The following TEK variants were observed in gnomAD, a reference collection of about 807,000 sequenced individuals.
The protein encoded by TEK is angiopoietin-1 receptor.
TEK carries 43 observed loss-of-function variants against 131.8 expected under a neutral mutation model. The observed-to-expected ratio is 0.33, with a 90% CI of 0.26 to 0.42. TEK has a LOEUF of 0.42. Among genes scored for constraint, TEK ranks in the 10% least tolerant of loss-of-function variants. The pLI is 1.00. For missense variants in TEK, 1,162 were observed against 1,384.4 expected, an observed-to-expected ratio of 0.84 and a Z score of 2.55; for synonymous variants, 580 against 491.6, an observed-to-expected ratio of 1.18 and a Z score of -2.38.
chr9:27,171,941 G>A (rs1236612603), intron 4 of TEK, among the ~76,000 whole-genome samples: 2 of 152,152 alleles, frequency 1.3e-5, no homozygotes, highest in Non-Finnish European at 2.9e-5. Context: ...TGTACTAGGT[G>A]TACTCAGAGG....
intron 22 of TEK, among the ~76,000 whole-genome samples, chr9:27,228,903 C>T (rs2131267245): frequency 6.6e-6 from 1 of 152,142 alleles, no homozygotes; most frequent in Non-Finnish European, 1.5e-5. Context: ...TAGGAGGTAC[C>T]AATAAGACAC....
intron 2 of TEK, among the ~76,000 whole-genome samples, chr9:27,160,315 C>G (rs1449653869): frequency 6.6e-6 from 1 of 152,160 alleles, no homozygotes; most frequent in Admixed American, 6.6e-5. Flanking sequence ...GTGAGCCCAC[C>G]AGGCCTGACT....
intron 13 of TEK, 150 bp downstream of exon 13, chr9:27,203,269 C>A: frequency 1.2e-6 from 1 of 824,756 alleles, no homozygotes; most frequent in Non-Finnish European, 2.0e-6. Flanking sequence ...TATCAAAATG[C>A]CTCTGAGAAG....
chr9:27,144,012 G>A (rs764567015), intron 1 of TEK, among the ~76,000 whole-genome samples: 12 of 152,190 alleles, frequency 7.9e-5, no homozygotes, highest in Non-Finnish European at 1.5e-4. Flanking sequence ...GGTTGGGCGC[G>A]GTGGCTTACG....
At chr9:27,228,448 C>T (rs1276835746) in intron 22 of TEK, 143 bp downstream of exon 22, 1 of 688,646 alleles carries the variant, frequency 1.5e-6, no homozygotes, top group African/African-American at 1.8e-5. Flanking sequence ...TCCCTCCACC[C>T]CCGCGACTTT....
intron 1 of TEK, among the ~76,000 whole-genome samples, chr9:27,156,539 C>T (rs750403302): frequency 2.0e-5 from 3 of 151,864 alleles, no homozygotes; most frequent in Non-Finnish European, 2.9e-5. Context: ...ACATTCCAGG[C>T]AGAAGGAACA....
chr9:27,120,991 G>T (rs890176388), intron 1 of TEK, among the ~76,000 whole-genome samples: 2 of 152,240 alleles, frequency 1.3e-5, no homozygotes, highest in Admixed American at 6.5e-5. Flanking sequence ...TCCAGTACCT[G>T]ACTTGATGTA....
In TEK at chr9:27,206,728, A is replaced by G; in HGVS notation, c.2511A>G (p.Gln837=). 6.2e-7 allele frequency: 1 copy of G among 1,614,112 alleles called. No homozygotes were observed. Among genetic ancestry groups the G allele is most frequent in the South Asian group, 1.1e-5 (1 of 91,076 alleles). The part of the protein sequence containing the change: ...QDVIGEGNFG[Q]VLKARIKKDG... ...TGATTGGGGAGGGCAATTTTGGCCAAGTTCTTAAGGCGCGCATCAAGAAGG... is the reference window on the plus strand; with the variant it reads ...TGATTGGGGAGGGCAATTTTGGCCAGGTTCTTAAGGCGCGCATCAAGAAGG... Residue 837 remains glutamine (Q), a synonymous_variant, in exon 15 of 23, where the codon CAA becomes CAG. Transcript: ENST00000380036.
intron 11 of TEK, among the ~76,000 whole-genome samples, chr9:27,197,020 G>A (rs190237248): frequency 1.1e-4 from 6 of 54,456 alleles, no homozygotes; most frequent in Admixed American, 2.5e-4. Flanking sequence ...CCCCTCCCCC[G>A]GCAATTGAAC....
intron 16 of TEK, chr9:27,210,762 C>T (rs1825582064): frequency 6.6e-6 from 1 of 152,178 alleles, no homozygotes; most frequent in Non-Finnish European, 1.5e-5. Context: ...AAAACCACAA[C>T]AACAAAAATA....
intron 21 of TEK, among the ~76,000 whole-genome samples, chr9:27,227,154 T>C (rs1826368816): frequency 1.3e-5 from 2 of 152,180 alleles, no homozygotes. Context: ...TTGATAGCCT[T>C]CCATGCACAT....
At chr9:27,136,727 T>TC (rs1036100680) in intron 1 of TEK, among the ~76,000 whole-genome samples, 8 of 152,172 alleles carry the variant, frequency 5.3e-5, no homozygotes, top group African/African-American at 1.7e-4. Context: ...CCCTATCTGT[T>TC]CAAGTCCTTC....
intron 2 of TEK, among the ~76,000 whole-genome samples, chr9:27,161,478 A>G (rs1823546076): frequency 6.6e-6 from 1 of 152,246 alleles, no homozygotes; most frequent in African/African-American, 2.4e-5. Context: ...ATATTGCAGA[A>G]TAAGGTACAT....
chr9:27,204,776 G>T (rs986974260), intron 13 of TEK, 135 bp from the exon 14 acceptor site: 16 of 1,110,100 alleles, frequency 1.4e-5, no homozygotes, highest in Non-Finnish European at 1.9e-5. Flanking sequence ...GTAGCCCGAG[G>T]TCATATAGTG....
intron 1 of TEK, among the ~76,000 whole-genome samples, chr9:27,123,846 G>A (rs184617675): frequency 1.8e-4 from 28 of 152,236 alleles, no homozygotes; most frequent in South Asian, 4.1e-4. Context: ...GCATGATTTC[G>A]GCTCACTGCA....
At chr9:27,164,412 T>C (rs1057512284) in intron 2 of TEK, among the ~76,000 whole-genome samples, 16 of 151,024 alleles carry the variant, frequency 1.1e-4, no homozygotes, top group Non-Finnish European at 1.9e-4. Flanking sequence ...CTCCGCCTCC[T>C]GGGTTCACGC....
chr9:27,178,798 TC>T (rs1360761535), intron 6 of TEK, among the ~76,000 whole-genome samples: 1 of 152,208 alleles, frequency 6.6e-6, no homozygotes, highest in Non-Finnish European at 1.5e-5. Context: ...TACCCTGTCT[TC>T]CCAGGAGCTT....
chr9:27,137,615 T>C (rs371165176), intron 1 of TEK, among the ~76,000 whole-genome samples: 1 of 152,132 alleles, frequency 6.6e-6, no homozygotes, highest in African/African-American at 2.4e-5. Context: ...AATCATTTTA[T>C]ATATATTTTT....
chr9:27,219,851 A>G (rs1825990081), intron 20 of TEK, among the ~76,000 whole-genome samples, 198 bp from the exon 21 acceptor site: 1 of 152,120 alleles, frequency 6.6e-6, no homozygotes, highest in Non-Finnish European at 1.5e-5. Flanking sequence ...CCCTGAAGCA[A>G]TGATCATGCT....
Sources: allele counts gnomAD v4.1 joint callset (sites outside exome capture counted in the v4.1 genomes callset), GRCh38; gene constraint gnomAD v4.1.1; transcripts MANE v1.5; gene names NCBI Gene and HGNC (gene_info 2026-07-23, HGNC 2026-07-21).